Variants in PPP6R3 observed in about 807,000 individuals in gnomAD.
PPP6R3 encodes the protein serine/threonine-protein phosphatase 6 regulatory subunit 3.
A neutral mutation model predicts 110.7 loss-of-function variants in PPP6R3; 38 were observed. That is an observed-to-expected ratio of 0.34 (90% CI 0.26 to 0.45). PPP6R3 has a LOEUF of 0.45. Among genes scored for constraint, PPP6R3 ranks in the 20% least tolerant of loss-of-function variants. The pLI is 1.00. For missense variants in PPP6R3, 870 were observed against 1,062.4 expected, an observed-to-expected ratio of 0.82 and a Z score of 2.52; for synonymous variants, 369 against 373.5, an observed-to-expected ratio of 0.99 and a Z score of 0.14.
At chr11:68,514,276 G>T (rs373588832) in intron 1 of PPP6R3, among the ~76,000 whole-genome samples, 1 of 151,788 alleles carries the variant, frequency 6.6e-6, no homozygotes, top group Non-Finnish European at 1.5e-5. Context: ...TCACTGTGTT[G>T]CCCAGCTGGT....
intron 1 of PPP6R3, among the ~76,000 whole-genome samples, chr11:68,508,528 A>G (rs933664451): frequency 6.6e-6 from 1 of 152,082 alleles, no homozygotes; most frequent in African/African-American, 2.4e-5. Flanking sequence ...TAATAATAGG[A>G]TGGAAAAGTA....
In PPP6R3 at chr11:68,614,428, G is replaced by GTAA; in HGVS notation, c.*1314_*1316dup. The GTAA allele has an allele frequency of 3.8e-6, 5 of 1,324,844 alleles. No individual in the cohort carries two copies. Among genetic ancestry groups the GTAA allele is most frequent in the Admixed American group, 3.9e-5 (1 of 25,848 alleles). 82.1% of individuals were successfully genotyped at this position (1,324,844 alleles called of 1,614,324 possible). Reference sequence around the variant, plus strand: ...AGATGCAAATCAGTTTTTCATTTCTGTAATAGAAAATTATTCACGTATTTT... The same window carrying GTAA: ...AGATGCAAATCAGTTTTTCATTTCTGTAATAATAGAAAATTATTCACGTATTTT... On this transcript the variant is annotated 3_prime_UTR_variant, in exon 24 of 24. Transcript: ENST00000393800.
chr11:68,593,005 G>A (rs58819085), intron 18 of PPP6R3, among the ~76,000 whole-genome samples: 2,875 of 152,260 alleles, frequency 0.019, 95 homozygotes, highest in African/African-American at 0.066. Context: ...GATGACAGAA[G>A]GCAGCTTTTA....
rs536022866 is a variant in PPP6R3, at chr11:68,461,594, GC to G, written c.-158+768del. Among the ~76,000 whole-genome samples the G allele has an allele frequency of 5.3e-5, 8 of 152,148 alleles. No homozygotes were observed. The East Asian group carries it at 1.5e-3, about 29-fold the overall frequency. On this transcript the variant is annotated intron_variant, in intron 1 of 23. Coordinates refer to ENST00000393800, the MANE Select transcript of PPP6R3 (RefSeq NM_001164161.2). ...GGTGTTTCCTGTTGAGGTCCTGCTGGCTGTGATCACAATTTAGACTTTTTAA... is the reference window on the plus strand; with the variant it reads ...GGTGTTTCCTGTTGAGGTCCTGCTGGTGTGATCACAATTTAGACTTTTTAA...
intron 1 of PPP6R3, among the ~76,000 whole-genome samples, chr11:68,469,027 C>A (rs567841106): frequency 9.2e-5 from 14 of 152,292 alleles, no homozygotes; most frequent in African/African-American, 3.4e-4. Flanking sequence ...CACTTAATTT[C>A]TTTACAAATT....
intron 23 of PPP6R3, 117 bp downstream of exon 23, chr11:68,610,140 C>A (rs145148352): frequency 0.011 from 15,467 of 1,381,326 alleles, 115 homozygotes; most frequent in Non-Finnish European, 0.013. Context: ...TCTTAGGCCG[C>A]TGACCTGGCA....
chr11:68,517,014 C>T (rs889029282), intron 1 of PPP6R3, among the ~76,000 whole-genome samples: 10 of 151,722 alleles, frequency 6.6e-5, no homozygotes, highest in Admixed American at 2.0e-4. Context: ...AGGGTCATGC[C>T]GTTTAACAGT....
intron 1 of PPP6R3, among the ~76,000 whole-genome samples, chr11:68,493,616 CATATAT>C (rs71043436): frequency 3.6e-5 from 5 of 137,476 alleles, no homozygotes; most frequent in African/African-American, 1.1e-4. Flanking sequence ...AAAACAAAAC[CATATAT>C]ATATATATAT....
intron 1 of PPP6R3, among the ~76,000 whole-genome samples, chr11:68,501,903 A>G (rs1442351490): frequency 6.6e-6 from 1 of 152,218 alleles, no homozygotes; most frequent in African/African-American, 2.4e-5. Context: ...GGTTCTTGGA[A>G]GCTGCAAACT....
Position 68,554,189 on chromosome 11 carries a change from G to C in PPP6R3, c.663G>C (p.Leu221=). ...AATCACTTTGTGAAATTGTTCGCCT[G>C]AGCAGAGACCAGATGTTACAAATTC... ...ASQSLCEIVR[L]SRDQMLQIQN... Residue 221 remains leucine (L), a synonymous_variant, in exon 7 of 24, where the codon CTG becomes CTC. Coordinates refer to ENST00000393800, the MANE Select transcript of PPP6R3 (RefSeq NM_001164161.2). 1 of 1,613,788 alleles carries C rather than the reference G, an allele frequency of 6.2e-7. No homozygotes were observed. The highest frequency in any genetic ancestry group is 8.5e-7 in the Non-Finnish European group (1 of 1,179,886).
rs1035910509 is a variant in PPP6R3 at position 68,614,888 on chromosome 11, T to C, written c.*1771T>C. ...GGGATTACTGGTAGATAATATGCTC[T>C]GGTCTCGCCTGGTGGTGAGTTTTGC... On this transcript the variant is annotated 3_prime_UTR_variant, in exon 24 of 24. Transcript: ENST00000393800. 4.0e-5 allele frequency: 34 copies of C among 841,880 alleles called. No homozygotes were observed. The highest frequency in any genetic ancestry group is 1.2e-4 in the Admixed American group (6 of 49,048). The allele number at this position is 841,880 out of a possible 1,614,324, so 52.2% of individuals were successfully genotyped here.
chr11:68,544,884 A>T lies in PPP6R3; in HGVS notation c.274A>T (p.Met92Leu). The T allele has an allele frequency of 6.2e-7, 1 of 1,607,654 alleles. No individual in the cohort carries two copies. The highest frequency in any genetic ancestry group is 8.5e-7 in the Non-Finnish European group (1 of 1,174,174). Reference protein sequence around the residue: ...CELLTSDVSQMNDRLGEDESL... With the variant: ...CELLTSDVSQLNDRLGEDESL... The stretch of plus-strand genomic sequence containing the variant: ...GTTGCTCACTTCTGATGTCTCCCAG[A>T]TGAATGATAGACTGGGAGAAGATGA... Residue 92 changes from methionine (M) to leucine (L), a missense_variant, in exon 4 of 24, where the codon ATG (methionine) becomes TTG (leucine). Physicochemically the swap from Met to Leu is conservative, Grantham distance 15. Coordinates refer to ENST00000393800, the MANE Select transcript of PPP6R3 (RefSeq NM_001164161.2).
intron 12 of PPP6R3, among the ~76,000 whole-genome samples, chr11:68,573,114 T>TCATATATATA (rs1555173816): frequency 3.2e-5 from 2 of 61,796 alleles, no homozygotes; most frequent in African/African-American, 1.5e-4. Context: ...TTTACTTATT[T>TCATATATATA]TATATATATA....
chr11:68,545,095 T>G, intron 4 of PPP6R3, 71 bp downstream of exon 4: 2 of 1,245,604 alleles, frequency 1.6e-6, no homozygotes, highest in Non-Finnish European at 2.2e-6. Context: ...CAGTACTTGT[T>G]GCTTTAAGAG....
At chr11:68,552,847 A>C (rs1337797011) in intron 6 of PPP6R3, among the ~76,000 whole-genome samples, 1 of 152,240 alleles carries the variant, frequency 6.6e-6, no homozygotes, top group Non-Finnish European at 1.5e-5. Context: ...GGAGAAATTG[A>C]TAATGGAGAA....
At chr11:68,505,511 C>T (rs915109924) in intron 1 of PPP6R3, among the ~76,000 whole-genome samples, 5 of 151,988 alleles carry the variant, frequency 3.3e-5, no homozygotes, top group Admixed American at 3.3e-4. Flanking sequence ...GAGATAGGGT[C>T]TTGGTATGTG....
chr11:68,492,535 C>T (rs1038655079), intron 1 of PPP6R3, among the ~76,000 whole-genome samples: 2 of 152,196 alleles, frequency 1.3e-5, no homozygotes, highest in African/African-American at 4.8e-5. Context: ...CACTACAGTG[C>T]CTCTGCCTTT....
At chr11:68,562,062 A>AT (rs1440541558) in intron 8 of PPP6R3, among the ~76,000 whole-genome samples, 6 of 151,894 alleles carry the variant, frequency 4.0e-5, no homozygotes, top group Admixed American at 3.9e-4. Context: ...AGAAAAAAAA[A>AT]AACGCATACT....
chr11:68,466,988 G>A (rs1253729604), intron 1 of PPP6R3, among the ~76,000 whole-genome samples: 3 of 151,996 alleles, frequency 2.0e-5, no homozygotes, highest in Non-Finnish European at 2.9e-5. Flanking sequence ...TGAGCCGCCC[G>A]CCTTGGCCTC....
Sources: allele counts gnomAD v4.1 joint callset (sites outside exome capture counted in the v4.1 genomes callset), GRCh38; gene constraint gnomAD v4.1.1; transcripts MANE v1.5; gene names NCBI Gene and HGNC (gene_info 2026-07-23, HGNC 2026-07-21).